The following MGARP variants were observed in gnomAD, a reference collection of about 807,000 sequenced individuals.
MGARP encodes protein MGARP.
MGARP carries 12 observed loss-of-function variants against 11.0 expected under a neutral mutation model. The observed-to-expected ratio is 1.09, with a 90% CI of 0.70 to 1.77. The LOEUF (loss-of-function observed/expected upper bound fraction) is 1.77. MGARP is among the 40% of genes most tolerant of loss of function. The pLI is 0.00. For missense variants in MGARP, 283 were observed against 297.8 expected (o/e 0.95, Z 0.36); for synonymous variants, 110 against 115.4 (o/e 0.95, Z 0.30).
chr4:139,277,209 G>A (rs976267980), intron 1 of MGARP, among the ~76,000 whole-genome samples: 2 of 152,182 alleles, frequency 1.3e-5, no homozygotes, highest in Admixed American at 1.3e-4. Context: ...GTATAGGGGT[G>A]CAGGGACTAG....
chr4:139,266,773 G>A lies in MGARP; in HGVS notation c.549C>T (p.Ala183=). The change falls in exon 4 of 4, where the codon GCC becomes GCT. Residue 183 remains alanine (A), a synonymous_variant. Transcript: ENST00000398955. The stretch of plus-strand genomic sequence containing the variant: ...TATCGATGGTGACAGCTTCATCCAG[G>A]GCAGCATTTGTAACCTCTGGGGTTG... ...PETTPEVTNA[A]LDEAVTIDND... is the part of the protein sequence containing the mutation. 1 of 1,614,082 alleles carries A rather than the reference G, an allele frequency of 6.2e-7. No individual in the cohort carries two copies. The highest frequency in any genetic ancestry group is 1.1e-5 in the South Asian group (1 of 91,070).
chr4:139,273,066 C>T (rs1057295611), intron 2 of MGARP, among the ~76,000 whole-genome samples: 6 of 151,958 alleles, frequency 3.9e-5, no homozygotes. Flanking sequence ...GCTTATTCTA[C>T]TTTTATTCTT....
chr4:139,280,084 T>C lies in MGARP; in HGVS notation c.75A>G (p.Gly25=), dbSNP rs548772530. 1.1e-3 allele frequency: 1,843 copies of C among 1,612,012 alleles called. 28 individuals are homozygous for C. In the South Asian group the frequency reaches 0.019, roughly 17 times the overall value. ...CTAGACCTCCTTACTCACCGTCCTT[T>C]CCGAGCGGCGCGGGGTTGGGGGGCG... ...LRAPPNPAPL[G]KDASLRRMSS... The change falls in exon 1 of 4, where the codon GGA becomes GGG. Residue 25 remains glycine (G), a synonymous_variant. Transcript: ENST00000398955.
At chr4:139,276,615 G>T (rs1037441094) in intron 1 of MGARP, among the ~76,000 whole-genome samples, 2 of 152,210 alleles carry the variant, frequency 1.3e-5, no homozygotes, top group Non-Finnish European at 2.9e-5. Flanking sequence ...GGGAGGCAGA[G>T]GTGGGAGGAT....
chr4:139,270,625 A>AAT (rs974497277), intron 2 of MGARP, among the ~76,000 whole-genome samples: 3 of 151,558 alleles, frequency 2.0e-5, no homozygotes, highest in African/African-American at 7.3e-5. Context: ...AAAAAAAAAA[A>AAT]AAGAAAAGAA....
intron 2 of MGARP, among the ~76,000 whole-genome samples, chr4:139,272,619 T>C (rs1744801679): frequency 6.6e-6 from 1 of 151,756 alleles, no homozygotes; most frequent in Non-Finnish European, 1.5e-5. Flanking sequence ...TTGGTTTGGT[T>C]TGGCCATCTT....
rs1469779512 is a variant in MGARP at position 139,270,281 on chromosome 4, G to A, written c.187-1516C>T. On this transcript the variant is annotated intron_variant, in intron 2 of 3. Transcript: ENST00000398955. Reference sequence around the variant, plus strand: ...CACCATTGCATTCCAGCCTGGGAAAGGAGGGAAACTCCGTCTCAAAAAAAA... The same window carrying A: ...CACCATTGCATTCCAGCCTGGGAAAAGAGGGAAACTCCGTCTCAAAAAAAA... Among the ~76,000 whole-genome samples the A allele has an allele frequency of 6.8e-5, 10 of 147,082 alleles. No individual in the cohort carries two copies. The East Asian group carries it at 2.0e-3, about 30-fold the overall frequency.
In MGARP at chr4:139,266,420, T is replaced by G. The variant is rs1469711121; in HGVS notation, c.*179A>C. On this transcript the variant is annotated 3_prime_UTR_variant, in exon 4 of 4. Transcript: ENST00000398955. Reference sequence around the variant, plus strand: ...CAGACAGTAGAAGAGTAGTAAGAAATGTACAATCTCAAGTCTCTCAGTCCT... The same window carrying G: ...CAGACAGTAGAAGAGTAGTAAGAAAGGTACAATCTCAAGTCTCTCAGTCCT... The G allele has an allele frequency of 5.0e-6, 3 of 601,866 alleles. No homozygotes were observed. Among genetic ancestry groups the G allele is most frequent in the Non-Finnish European group, 5.8e-6 (2 of 344,598 alleles). The allele number at this position is 601,866 out of a possible 1,614,324, so 37.3% of individuals were successfully genotyped here.
intron 2 of MGARP, among the ~76,000 whole-genome samples, chr4:139,273,651 A>C (rs565982488): frequency 6.6e-6 from 1 of 150,654 alleles, no homozygotes; most frequent in African/African-American, 2.4e-5. Context: ...AGTAGCTATG[A>C]TTACAGGCAC....
At chr4:139,271,892 AT>A (rs1744787619) in intron 2 of MGARP, among the ~76,000 whole-genome samples, 1 of 152,232 alleles carries the variant, frequency 6.6e-6, no homozygotes, top group South Asian at 2.1e-4. Context: ...TTATAAATGT[AT>A]AACCTTTTAG....
intron 2 of MGARP, among the ~76,000 whole-genome samples, chr4:139,270,607 T>TG: frequency 1.5e-5 from 1 of 66,900 alleles, no homozygotes; most frequent in East Asian, 3.1e-4. Flanking sequence ...AGACCGCGTC[T>TG]GAAAAAAAAA....
At chr4:139,271,597 A>G (rs972296715) in intron 2 of MGARP, among the ~76,000 whole-genome samples, 3 of 152,180 alleles carry the variant, frequency 2.0e-5, no homozygotes, top group Non-Finnish European at 4.4e-5. Context: ...TTTGATTGCA[A>G]ATGGAAAACT....
chr4:139,273,367 A>C (rs948489274), intron 2 of MGARP, among the ~76,000 whole-genome samples: 2 of 151,848 alleles, frequency 1.3e-5, no homozygotes, highest in Non-Finnish European at 2.9e-5. Flanking sequence ...CCACAGGCAC[A>C]CACCACCACG....
intron 2 of MGARP, among the ~76,000 whole-genome samples, chr4:139,273,803 C>T (rs1341515762): frequency 6.6e-6 from 1 of 152,044 alleles, no homozygotes; most frequent in Non-Finnish European, 1.5e-5. Flanking sequence ...CGTGAGCCAC[C>T]ATGACTGGCC....
At chr4:139,274,176 G>A (rs1744830753) in intron 2 of MGARP, among the ~76,000 whole-genome samples, 1 of 152,076 alleles carries the variant, frequency 6.6e-6, no homozygotes, top group South Asian at 2.1e-4. Context: ...GATTTTTAGG[G>A]TGATGAAACG....
chr4:139,275,153 G>A, intron 2 of MGARP, 136 bp downstream of exon 2: 1 of 636,864 alleles, frequency 1.6e-6, no homozygotes, highest in South Asian at 2.3e-5. Context: ...AGATGTGTAT[G>A]CTTAATGACA....
chr4:139,268,975 A>G (rs924108883), intron 2 of MGARP, among the ~76,000 whole-genome samples: 1 of 152,214 alleles, frequency 6.6e-6, no homozygotes, highest in African/African-American at 2.4e-5. Context: ...TTAAAAAGGA[A>G]GAAAGGTGAG....
chr4:139,267,708 T>G (rs1744718113), intron 3 of MGARP, among the ~76,000 whole-genome samples: 1 of 152,230 alleles, frequency 6.6e-6, no homozygotes, highest in Non-Finnish European at 1.5e-5. Context: ...GATATTCTGT[T>G]TCTTATTATT....
chr4:139,271,773 G>C (rs1292695306), intron 2 of MGARP, among the ~76,000 whole-genome samples: 1 of 152,156 alleles, frequency 6.6e-6, no homozygotes, highest in African/African-American at 2.4e-5. Flanking sequence ...GGCAATTAAG[G>C]CTTCCAACAT....
Sources: gnomAD v4.1 joint callset for allele counts (sites outside exome capture counted in the v4.1 genomes callset) on GRCh38, gnomAD v4.1.1 for gene constraint, MANE v1.5 for transcripts, NCBI Gene and HGNC (gene_info 2026-07-23, HGNC 2026-07-21) for gene names.